RNPEP: variants seen among roughly 807,000 people sequenced by gnomAD.
RNPEP encodes the protein aminopeptidase B.
A neutral mutation model predicts 70.1 loss-of-function variants in RNPEP; 57 were observed. The ratio of observed to expected loss-of-function variants is 0.81; its 90% CI spans 0.66 to 1.01. The LOEUF is 1.01. RNPEP is among the 50% of genes least tolerant of loss of function. The pLI, the probability that RNPEP is intolerant of heterozygous loss-of-function variation, is 0.00. For missense variants in RNPEP, 787 were observed against 852.4 expected (o/e 0.92, Z 0.96); for synonymous variants, 335 against 357.4 (o/e 0.94, Z 0.71).
intron 3 of RNPEP, among the ~76,000 whole-genome samples, chr1:201,993,656 G>A (rs1244741064): frequency 6.6e-6 from 1 of 150,384 alleles, no homozygotes; most frequent in Non-Finnish European, 1.5e-5. Context: ...GCTCACGCCT[G>A]TAGTCCCAGC....
chr1:201,988,796 G>A, intron 1 of RNPEP, 108 bp from the exon 2 acceptor site: 1 of 1,355,258 alleles, frequency 7.4e-7, no homozygotes, highest in East Asian at 2.4e-5. Flanking sequence ...CTGGCGGAAA[G>A]GTTTTAAGGA....
chr1:201,997,145 G>A (rs4950757), intron 4 of RNPEP, among the ~76,000 whole-genome samples, 174 bp from the exon 5 acceptor site: 53,651 of 150,610 alleles, frequency 0.36, 10,630 homozygotes, highest in Non-Finnish European at 0.45. Context: ...GGGGAGCCAC[G>A]TGGGAGAAGC....
rs1683733486 is a variant in RNPEP, at chr1:202,000,022, G to A, written c.1204+7G>A. The A allele has an allele frequency of 1.2e-6, 2 of 1,606,176 alleles. No homozygotes were observed. Among genetic ancestry groups the A allele is most frequent in the Admixed American group, 3.4e-5 (2 of 59,596 alleles). ...CGCGTGAAGATTGAACCAGGTCCAG[G>A]AGGCTCCTCTGTCTGACACCCACTC... On this transcript the variant is annotated splice_region_variant and intron_variant, in intron 6 of 10. Transcript: ENST00000295640.
intron 1 of RNPEP, 76 bp downstream of exon 1, chr1:201,983,189 C>T (rs575428568): frequency 2.1e-6 from 3 of 1,415,342 alleles, no homozygotes; most frequent in South Asian, 1.5e-5. Flanking sequence ...CCCTCACCTA[C>T]CCCACCCGGG....
At chr1:201,988,546 C>T (rs1239404876) in intron 1 of RNPEP, among the ~76,000 whole-genome samples, 1 of 151,174 alleles carries the variant, frequency 6.6e-6, no homozygotes, top group Non-Finnish European at 1.5e-5. Flanking sequence ...AGTCCAAATG[C>T]AGTTGCTTCA....
rs543930310 is a variant in RNPEP, at chr1:201,999,717, G to A, written c.1091-185G>A. On this transcript the variant is annotated intron_variant, in intron 5 of 10. Coordinates refer to ENST00000295640, the MANE Select transcript of RNPEP (RefSeq NM_020216.4). Reference sequence around the variant, plus strand: ...ACAGCAACAGGGAGCTAGGGACTGAGTCAGGCTCTCTGTAACTGTCCCTAT... The same window carrying A: ...ACAGCAACAGGGAGCTAGGGACTGAATCAGGCTCTCTGTAACTGTCCCTAT... Among the ~76,000 whole-genome samples the A allele has an allele frequency of 4.6e-5, 7 of 152,312 alleles. No homozygotes were observed. The East Asian group carries it at 7.7e-4, about 17-fold the overall frequency.
rs1406217456 is a variant in RNPEP, at chr1:202,001,700, T to C, written c.1359T>C (p.Asp453=). Residue 453 remains aspartate (D), a synonymous_variant, in exon 8 of 11, where the codon GAT becomes GAC. Coordinates refer to ENST00000295640, the MANE Select transcript of RNPEP (RefSeq NM_020216.4). ...HEFKFRSILA[D]DFLDFYLEYF... ...TCAAATTCCGAAGCATCTTAGCCGA[T>C]GACTTTCTGGACTTCTACTTGGAAT... 1 of 1,613,816 alleles carries C rather than the reference T, an allele frequency of 6.2e-7. No homozygotes were observed. Among genetic ancestry groups the C allele is most frequent in the East Asian group, 2.2e-5 (1 of 44,888 alleles).
chr1:202,000,081 G>A (rs556892479), intron 6 of RNPEP, 66 bp downstream of exon 6: 71 of 1,179,204 alleles, frequency 6.0e-5, no homozygotes, highest in Admixed American at 1.2e-4. Flanking sequence ...AAGTTAATGC[G>A]AACTTCATGT....
intron 6 of RNPEP, 155 bp downstream of exon 6, chr1:202,000,170 G>A: frequency 3.4e-6 from 2 of 593,906 alleles, no homozygotes; most frequent in East Asian, 5.9e-5. Flanking sequence ...TCTGGCCCCT[G>A]GGCTGACTGA....
chr1:202,002,654 G>T (rs373166768), intron 8 of RNPEP, among the ~76,000 whole-genome samples: 4 of 152,220 alleles, frequency 2.6e-5, no homozygotes, highest in African/African-American at 9.6e-5. Flanking sequence ...CCTACTGTTC[G>T]GTTGGAGGCT....
intron 6 of RNPEP, among the ~76,000 whole-genome samples, chr1:202,000,581 C>T (rs565677520): frequency 3.9e-5 from 6 of 152,216 alleles, no homozygotes; most frequent in South Asian, 2.1e-4. Flanking sequence ...TTCTTAGAGA[C>T]GGGTAATTAG....
rs1212009960 is a variant in RNPEP, at chr1:202,001,761, A to C, written c.1420A>C (p.Ile474Leu). 1 of 1,577,848 alleles carries C rather than the reference A, an allele frequency of 6.3e-7. No homozygotes were observed. The highest frequency in any genetic ancestry group is 1.7e-5 in the Admixed American group (1 of 59,962). The change falls in exon 8 of 11, where the codon ATT (isoleucine) becomes CTT (leucine). Residue 474 changes from isoleucine to leucine, a missense_variant. Transcript: ENST00000295640. ...PELKKKRVDI[I>L]PGFEFDRWLN... is the part of the protein sequence containing the mutation. ...GCTTAAGAAAAAGAGAGTGGATATC[A>C]TTCCAGGTAAGCAGAGGAACTGGCC...
chr1:202,004,946 C>T (rs188369120), intron 10 of RNPEP, among the ~76,000 whole-genome samples: 7 of 152,296 alleles, frequency 4.6e-5, no homozygotes, highest in Admixed American at 3.9e-4. Context: ...GGAAAGGCCC[C>T]GGGCTCTCAG....
At chr1:202,004,200 G>T (rs911671308) in intron 9 of RNPEP, among the ~76,000 whole-genome samples, 154 bp from the exon 10 acceptor site, 2 of 152,170 alleles carry the variant, frequency 1.3e-5, no homozygotes, top group South Asian at 4.2e-4. Context: ...GTTTTGTTTG[G>T]TATTTTTAGT....
intron 3 of RNPEP, among the ~76,000 whole-genome samples, chr1:201,994,842 T>TTC (rs1300062871): frequency 2.7e-5 from 4 of 147,174 alleles, no homozygotes; most frequent in Non-Finnish European, 4.5e-5. Context: ...AATTTTTTTT[T>TTC]TTTTTTTTTT....
intron 1 of RNPEP, among the ~76,000 whole-genome samples, chr1:201,988,141 G>GAA (rs113735802): frequency 8.3e-6 from 1 of 120,238 alleles, no homozygotes; most frequent in Non-Finnish European, 1.8e-5. Flanking sequence ...ACTCTATCTC[G>GAA]AAAAAAAAAA....
chr1:201,993,416 G>T (rs1683414253), intron 3 of RNPEP, among the ~76,000 whole-genome samples: 1 of 152,150 alleles, frequency 6.6e-6, no homozygotes, highest in Non-Finnish European at 1.5e-5. Context: ...GGCCAACGTG[G>T]TGAAACCCCA....
intron 5 of RNPEP, among the ~76,000 whole-genome samples, chr1:201,999,474 G>T (rs780592218): frequency 6.6e-6 from 1 of 152,106 alleles, no homozygotes; most frequent in Non-Finnish European, 1.5e-5. Context: ...AGGAGGAGAC[G>T]GAGGTTGCAG....
In RNPEP at chr1:202,005,597, A is replaced by T; in HGVS notation, c.1834A>T (p.Met612Leu). ...TACACTTCCGCTGTACCACGCAATG[A>T]TGGGTGGCAGTGAGGTGGCCCAGAC... The part of the protein sequence containing the change: ...KYTLPLYHAM[M>L]GGSEVAQTLA... The change falls in exon 11 of 11, where the codon ATG (methionine) becomes TTG (leucine). Residue 612 changes from methionine (M) to leucine (L), a missense_variant. Coordinates refer to ENST00000295640, the MANE Select transcript of RNPEP (RefSeq NM_020216.4). 1.2e-6 allele frequency: 2 copies of T among 1,614,182 alleles called. No individual in the cohort carries two copies.
Sources: gnomAD v4.1 joint callset for allele counts (sites outside exome capture counted in the v4.1 genomes callset) on GRCh38, gnomAD v4.1.1 for gene constraint, MANE v1.5 for transcripts, NCBI Gene and HGNC (gene_info 2026-07-23, HGNC 2026-07-21) for gene names.